The following AGBL1 variants were observed in gnomAD, a reference collection of about 807,000 sequenced individuals.
AGBL1 encodes the protein AGBL carboxypeptidase 1, also known as cytosolic carboxypeptidase 4.
A neutral mutation model predicts 118.9 loss-of-function variants in AGBL1; 130 were observed. The observed-to-expected ratio is 1.09, with a 90% CI of 0.95 to 1.26. AGBL1 has a LOEUF of 1.26. Ranked by LOEUF, AGBL1 falls within the 50% of genes most tolerant of loss-of-function variation. The probability of loss-of-function intolerance (pLI) is 0.00; values close to 1 mark genes in which losing one functional copy is unlikely to be tolerated. For synonymous variants in AGBL1, 555 were observed against 478.9 expected (o/e 1.16, Z -2.08); for missense variants, 1,584 against 1,298.1 (o/e 1.22, Z -3.38).
chr15:86,766,259 C>A (rs1247998851), intron 22 of AGBL1, among the ~76,000 whole-genome samples: 1 of 151,970 alleles, frequency 6.6e-6, no homozygotes, highest in African/African-American at 2.4e-5. Flanking sequence ...CCAGGGTGTA[C>A]CGCCTCCTAG....
chr15:86,734,509 T>G (rs2077566592), intron 22 of AGBL1, among the ~76,000 whole-genome samples: 1 of 152,066 alleles, frequency 6.6e-6, no homozygotes, highest in East Asian at 1.9e-4. Flanking sequence ...GGGCTGTGCC[T>G]CAGGTCTGCA....
chr15:86,196,343 T>C (rs1331818748), intron 5 of AGBL1, among the ~76,000 whole-genome samples: 2 of 152,162 alleles, frequency 1.3e-5, no homozygotes, highest in Non-Finnish European at 1.5e-5. Flanking sequence ...ATTGCATACC[T>C]AGTGGTAGAG....
chr15:86,534,567 TC>T (rs2083397729), intron 19 of AGBL1, among the ~76,000 whole-genome samples: 2 of 152,172 alleles, frequency 1.3e-5, no homozygotes, highest in African/African-American at 2.4e-5. Context: ...GTGACTCCAT[TC>T]CCATTTTCTT....
chr15:86,990,550 A>G (rs975364112), intron 24 of AGBL1, among the ~76,000 whole-genome samples: 1 of 152,184 alleles, frequency 6.6e-6, no homozygotes, highest in African/African-American at 2.4e-5. Flanking sequence ...TTCTGGACAC[A>G]TGGGGAATAT....
At chr15:86,409,930 A>G (rs2081586338) in intron 18 of AGBL1, among the ~76,000 whole-genome samples, 1 of 152,208 alleles carries the variant, frequency 6.6e-6, no homozygotes, top group Non-Finnish European at 1.5e-5. Context: ...AGAGGGAGGT[A>G]GATGAGCATC....
intron 18 of AGBL1, among the ~76,000 whole-genome samples, chr15:86,407,582 A>G (rs573790418): frequency 6.6e-6 from 1 of 152,218 alleles, no homozygotes; most frequent in African/African-American, 2.4e-5. Flanking sequence ...ACTATAGGTC[A>G]GATAGGAAGG....
At chr15:86,573,556 T>A (rs2064428987) in intron 21 of AGBL1, among the ~76,000 whole-genome samples, 1 of 152,198 alleles carries the variant, frequency 6.6e-6, no homozygotes, top group Non-Finnish European at 1.5e-5. Flanking sequence ...AGTCCTTGAT[T>A]TTTCTTTTAT....
At chr15:86,755,921 C>T (rs949614775) in intron 22 of AGBL1, among the ~76,000 whole-genome samples, 1 of 152,038 alleles carries the variant, frequency 6.6e-6, no homozygotes, top group Non-Finnish European at 1.5e-5. Context: ...TTTGTTTCCC[C>T]AAGAGCTGGT....
chr15:86,085,207 A>T (rs1297803206), intron 1 of AGBL1, among the ~76,000 whole-genome samples: 1 of 152,212 alleles, frequency 6.6e-6, no homozygotes, highest in African/African-American at 2.4e-5. Flanking sequence ...CTGATTAGAG[A>T]TTCAGGGAAG....
intron 22 of AGBL1, among the ~76,000 whole-genome samples, chr15:86,808,916 T>A (rs554534581): frequency 6.6e-6 from 1 of 152,258 alleles, no homozygotes; most frequent in Non-Finnish European, 1.5e-5. Flanking sequence ...TTTATTCAAT[T>A]ACATACTCAA....
At chr15:86,489,484 G>A (rs1372603520) in intron 18 of AGBL1, among the ~76,000 whole-genome samples, 1 of 152,076 alleles carries the variant, frequency 6.6e-6, no homozygotes, top group Non-Finnish European at 1.5e-5. Flanking sequence ...ATATAAATAA[G>A]CAACTAATTT....
Position 86,674,438 on chromosome 15 carries a change from T to C in AGBL1, c.3158+2T>C, listed in dbSNP as rs2085801894. 1 of 1,603,186 alleles carries C rather than the reference T, an allele frequency of 6.2e-7. No individual in the cohort carries two copies. The highest frequency in any genetic ancestry group is 1.3e-5 in the African/African-American group (1 of 74,832). On this transcript the variant is annotated splice_donor_variant, in intron 22 of 22. Coordinates refer to ENST00000614907, the MANE Select transcript of AGBL1 (RefSeq NM_001386094.1). LOFTEE classifies it high-confidence loss of function. Reference sequence around the variant, plus strand: ...CGCTCTGGACCAGCACCTCCAACGGTAAGATGCTCCCAAGGGCTCAGAGAA... The same window carrying C: ...CGCTCTGGACCAGCACCTCCAACGGCAAGATGCTCCCAAGGGCTCAGAGAA...
intron 22 of AGBL1, among the ~76,000 whole-genome samples, chr15:86,894,441 C>T (rs182088868): frequency 3.1e-4 from 47 of 152,190 alleles, no homozygotes; most frequent in Non-Finnish European, 4.1e-4. Flanking sequence ...CTCTGCATGA[C>T]GTTGGAGCTT....
In AGBL1 at chr15:86,541,614, A is replaced by G. The variant is rs868187753; in HGVS notation, c.2686-4388A>G. On this transcript the variant is annotated intron_variant, in intron 19 of 22. Coordinates refer to ENST00000614907, the MANE Select transcript of AGBL1 (RefSeq NM_001386094.1). ...GTCTCAAAAAAAAAAAAAAAAAAAA[A>G]AAAGAGAGAGAGAGAGAGAGACCCA... Among the ~76,000 whole-genome samples, 406 of 142,360 alleles carry G rather than the reference A, an allele frequency of 2.9e-3. 1 individual carries two copies. The highest frequency in any genetic ancestry group is 0.026 in the South Asian group (107 of 4,168). 93.4% of individuals were successfully genotyped at this position (142,360 alleles called of 152,430 possible).
At chr15:87,031,030 A>G (rs2081777784), downstream of AGBL1, among the ~76,000 whole-genome samples, 2 of 152,012 alleles carry the variant, frequency 1.3e-5, no homozygotes, top group Non-Finnish European at 2.9e-5. Context: ...ATTTGCTGTT[A>G]TTTAAAAAAA....
chr15:86,821,757 G>A (rs1567190970), intron 22 of AGBL1, among the ~76,000 whole-genome samples: 1 of 152,094 alleles, frequency 6.6e-6, no homozygotes, highest in Non-Finnish European at 1.5e-5. Flanking sequence ...GTCTTATTTT[G>A]TATAATTCTT....
intron 17 of AGBL1, among the ~76,000 whole-genome samples, chr15:86,393,578 T>C (rs1305371348): frequency 6.6e-6 from 1 of 152,186 alleles, no homozygotes; most frequent in Non-Finnish European, 1.5e-5. Context: ...CACAGCTTGC[T>C]TTGGAAAAAG....
At chr15:86,528,149 G>A (rs530924063) in intron 19 of AGBL1, among the ~76,000 whole-genome samples, 6 of 152,294 alleles carry the variant, frequency 3.9e-5, no homozygotes, top group South Asian at 4.2e-4. Context: ...AGCTCCCAGC[G>A]TGAGCGACGC....
Position 86,913,265 on chromosome 15 carries a change from G to A in AGBL1, c.*5971G>A, listed in dbSNP as rs2141605456. On this transcript the variant is annotated 3_prime_UTR_variant, in exon 23 of 23. Transcript: ENST00000614907. Reference sequence around the variant, plus strand: ...TTAAGCATAACAATGAGTGAGGGAAGGTTGATCCTCAGACACATGACACAT... The same window carrying A: ...TTAAGCATAACAATGAGTGAGGGAAAGTTGATCCTCAGACACATGACACAT... 6.6e-6 allele frequency: 1 copy of A among 152,068 alleles called. No homozygotes were observed. The highest frequency in any genetic ancestry group is 3.4e-3 in the Middle Eastern group (1 of 296). 9.4% of individuals were successfully genotyped at this position (152,068 alleles called of 1,614,324 possible). A position where few individuals can be genotyped will look rare whatever the true frequency, so the allele number is the denominator to read the frequency against.
Sources: allele counts gnomAD v4.1 joint callset (sites outside exome capture counted in the v4.1 genomes callset), GRCh38; gene constraint gnomAD v4.1.1; transcripts MANE v1.5; gene names NCBI Gene and HGNC (gene_info 2026-07-23, HGNC 2026-07-21).